KIAA0040: variants seen among roughly 807,000 people sequenced by gnomAD.
KIAA0040 encodes KIAA0040.
A neutral mutation model predicts 7.2 loss-of-function variants in KIAA0040; 10 were observed. The ratio of observed to expected loss-of-function variants is 1.38; its 90% CI spans 0.85 to 2.34. KIAA0040 has a LOEUF of 2.34. KIAA0040 is among the 30% of genes most tolerant of loss of function. KIAA0040 has a pLI of 0.00. For synonymous variants in KIAA0040, 49 were observed against 40.1 expected (o/e 1.22, Z -0.84); for missense variants, 89 against 108.2 (o/e 0.82, Z 0.79).
intron 3 of KIAA0040, among the ~76,000 whole-genome samples, chr1:175,163,688 C>T (rs1676638565): frequency 6.6e-6 from 1 of 152,238 alleles, no homozygotes; most frequent in Admixed American, 6.5e-5. Flanking sequence ...GATCTTTCTG[C>T]TCTGTTGTGG....
chr1:175,182,737 C>G (rs191067166), intron 1 of KIAA0040, among the ~76,000 whole-genome samples: 1 of 152,298 alleles, frequency 6.6e-6, no homozygotes, highest in African/African-American at 2.4e-5. Context: ...GTTTCCTCAA[C>G]TATAAAAGGG....
rs1447223531 is a variant in KIAA0040 at position 175,162,484 on chromosome 1, A to G, written c.-133-1338T>C. Among the ~76,000 whole-genome samples, 3 of 152,070 alleles carry G rather than the reference A, an allele frequency of 2.0e-5. No homozygotes were observed. In the East Asian group the frequency reaches 5.8e-4, roughly 29 times the overall value. ...CAGGCAAGCAGAGGAACTAAGGATG[A>G]CAATGATGTCACTTTATACTTGCAT... On this transcript the variant is annotated intron_variant, in intron 3 of 3. Transcript: ENST00000423313.
intron 1 of KIAA0040, among the ~76,000 whole-genome samples, chr1:175,178,970 CG>C (rs5778839): frequency 0.77 from 96,537 of 125,940 alleles, 35,021 homozygotes; most frequent in Non-Finnish European, 0.8. Context: ...GGGGACGGGG[CG>C]GGGGGGGGGA....
rs1298824389 is a variant in KIAA0040 at position 175,159,071 on chromosome 1, C to A, written c.*1643G>T. On this transcript the variant is annotated 3_prime_UTR_variant, in exon 4 of 4. Transcript: ENST00000423313. ...ATTTTGCCACTGTGTAGAATAGCTT[C>A]CTTGGGAAAATATTTCAAGAGAGCT... The A allele has an allele frequency of 6.6e-6, 1 of 152,184 alleles. No individual in the cohort carries two copies. The highest frequency in any genetic ancestry group is 1.5e-5 in the Non-Finnish European group (1 of 68,030). 9.4% of individuals were successfully genotyped at this position (152,184 alleles called of 1,614,324 possible). A position where few individuals can be genotyped will look rare whatever the true frequency, so the allele number is the denominator to read the frequency against.
intron 1 of KIAA0040, among the ~76,000 whole-genome samples, chr1:175,182,226 A>C (rs1293846578): frequency 6.6e-6 from 1 of 152,232 alleles, no homozygotes; most frequent in Non-Finnish European, 1.5e-5. Flanking sequence ...TTGACTATGA[A>C]GGCAGATTAC....
intron 2 of KIAA0040, among the ~76,000 whole-genome samples, chr1:175,170,797 G>A (rs968834365): frequency 1.3e-5 from 2 of 151,642 alleles, no homozygotes; most frequent in African/African-American, 2.4e-5. Context: ...CCCTCCCTCC[G>A]GCCTGTTCTC....
At chr1:175,192,838 C>G (rs1389940320), upstream of KIAA0040, 2 of 150,476 alleles carry the variant, frequency 1.3e-5, no homozygotes, top group Non-Finnish European at 3.0e-5. Context: ...CCCGCCCCGC[C>G]CCGCTCCACC....
At chr1:175,181,533 A>C (rs577450635) in intron 1 of KIAA0040, among the ~76,000 whole-genome samples, 1 of 152,246 alleles carries the variant, frequency 6.6e-6, no homozygotes, top group African/African-American at 2.4e-5. Context: ...CTTGCCAGCT[A>C]TCTGGGTAAG....
At chr1:175,164,700 G>A (rs765782025) in intron 3 of KIAA0040, among the ~76,000 whole-genome samples, 1 of 152,146 alleles carries the variant, frequency 6.6e-6, no homozygotes, top group East Asian at 1.9e-4. Flanking sequence ...GGGAAAATTC[G>A]ATTAAAAGGT....
At chr1:175,173,736 C>T (rs1677075914) in intron 2 of KIAA0040, among the ~76,000 whole-genome samples, 1 of 152,178 alleles carries the variant, frequency 6.6e-6, no homozygotes, top group Non-Finnish European at 1.5e-5. Context: ...TCTGTGACCT[C>T]AAGGAGCTCA....
In KIAA0040 at chr1:175,187,722, G is replaced by A. The variant is rs141743647; in HGVS notation, c.-384+4918C>T. On this transcript the variant is annotated intron_variant, in intron 1 of 3. Transcript: ENST00000423313. ...TCCCACGGCCTTTTTCCCTTCCCCT[G>A]CCCTTGACCCTCTTTCCCTGCCCCT... 1.5e-3 allele frequency among the ~76,000 whole-genome samples: 215 copies of A among 144,676 alleles called. 1 individual carries two copies. Among genetic ancestry groups the A allele is most frequent in the African/African-American group, 4.8e-3 (197 of 40,854 alleles). 94.9% of individuals were successfully genotyped at this position (144,676 alleles called of 152,430 possible). A position where few individuals can be genotyped will look rare whatever the true frequency, so the allele number is the denominator to read the frequency against.
intron 1 of KIAA0040, among the ~76,000 whole-genome samples, chr1:175,178,398 T>C (rs772183493): frequency 6.6e-6 from 1 of 152,220 alleles, no homozygotes; most frequent in Non-Finnish European, 1.5e-5. Flanking sequence ...CTCCCTTAGT[T>C]GTTTACTGAG....
rs1307919093 is a variant in KIAA0040, at chr1:175,159,239, C to G, written c.*1475G>C. 1 of 152,314 alleles carries G rather than the reference C, an allele frequency of 6.6e-6. No homozygotes were observed. The highest frequency in any genetic ancestry group is 1.5e-5 in the Non-Finnish European group (1 of 68,058). The allele number at this position is 152,314 out of a possible 1,614,324, so 9.4% of individuals were successfully genotyped here. A position where few individuals can be genotyped will look rare whatever the true frequency, so the allele number is the denominator to read the frequency against. On this transcript the variant is annotated 3_prime_UTR_variant, in exon 4 of 4. Transcript: ENST00000423313. ...GGATTAACTCTGCTTCCCAACCTCA[C>G]TCTGGCGGGGAAAGCCCTCCTCAGC...
intron 1 of KIAA0040, among the ~76,000 whole-genome samples, chr1:175,179,628 C>G (rs987583341): frequency 6.6e-6 from 1 of 152,142 alleles, no homozygotes; most frequent in Non-Finnish European, 1.5e-5. Context: ...CTCCTTCGAA[C>G]TGGCACCCAG....
At chr1:175,181,211 G>A (rs1422609519) in intron 1 of KIAA0040, among the ~76,000 whole-genome samples, 2 of 151,896 alleles carry the variant, frequency 1.3e-5, no homozygotes, top group Middle Eastern at 3.4e-3. Context: ...AAAGTCAACT[G>A]AGTAGAGTAT....
intron 2 of KIAA0040, among the ~76,000 whole-genome samples, chr1:175,176,161 A>G (rs1418889099): frequency 1.3e-5 from 2 of 152,216 alleles, no homozygotes; most frequent in Non-Finnish European, 2.9e-5. Context: ...TGGGGGAGAC[A>G]TTTACAGGCT....
At chr1:175,171,334 C>T (rs1395898496) in intron 2 of KIAA0040, among the ~76,000 whole-genome samples, 2 of 152,314 alleles carry the variant, frequency 1.3e-5, no homozygotes, top group East Asian at 3.9e-4. Flanking sequence ...TCCATTAGAA[C>T]ATAAGCTCCA....
chr1:175,164,900 C>T (rs1558389794), intron 3 of KIAA0040, among the ~76,000 whole-genome samples: 1 of 152,154 alleles, frequency 6.6e-6, no homozygotes, highest in African/African-American at 2.4e-5. Context: ...CAAAAGAAGA[C>T]ACACTTCGGC....
intron 1 of KIAA0040, among the ~76,000 whole-genome samples, chr1:175,184,724 T>C (rs1387602022): frequency 3.9e-5 from 6 of 152,140 alleles, no homozygotes; most frequent in Non-Finnish European, 7.4e-5. Flanking sequence ...GGGTCAAACA[T>C]TACCAAGGGC....
Sources: allele counts gnomAD v4.1 joint callset (sites outside exome capture counted in the v4.1 genomes callset), GRCh38; gene constraint gnomAD v4.1.1; transcripts MANE v1.5; gene names NCBI Gene and HGNC (gene_info 2026-07-23, HGNC 2026-07-21).